The following ZDHHC15 variants were observed in gnomAD, a reference collection of about 807,000 sequenced individuals.
ZDHHC15 encodes the protein zDHHC palmitoyltransferase 15.
Under a neutral mutation model 31.7 loss-of-function variants are expected in ZDHHC15, and 19 were observed. That is an observed-to-expected ratio of 0.60 (90% CI 0.42 to 0.88). ZDHHC15 has a LOEUF of 0.88. ZDHHC15 is among the 40% of genes least tolerant of loss of function. The pLI is 0.00. For missense variants in ZDHHC15, 209 were observed against 251.2 expected, an observed-to-expected ratio of 0.83 and a Z score of 1.14; for synonymous variants, 103 against 90.0, an observed-to-expected ratio of 1.14 and a Z score of -0.82.
intron 3 of ZDHHC15, among the ~76,000 whole-genome samples, chrX:75,451,307 G>A (rs1295193871): frequency 8.9e-6 from 1 of 111,824 alleles, no homozygotes; most frequent in Non-Finnish European, 1.9e-5. Context: ...CCAGGGCCCT[G>A]TTGATAATTA....
chrX:75,428,764 AG>A (rs1420179863), intron 7 of ZDHHC15, among the ~76,000 whole-genome samples: 9 of 111,908 alleles, frequency 8.0e-5, no homozygotes, highest in African/African-American at 2.9e-4. Flanking sequence ...TATAACTGGT[AG>A]GAAGTGGAAC....
rs762257327 is a variant in ZDHHC15 at position 75,423,223 on chromosome X, T to C, written c.737-1233A>G. 1.3e-4 allele frequency among the ~76,000 whole-genome samples: 14 copies of C among 108,079 alleles called. No homozygotes were observed. The South Asian group carries it at 3.4e-3, about 26-fold the overall frequency. 93.9% of individuals were successfully genotyped at this position (108,079 alleles called of 115,157 possible). A position where few individuals can be genotyped will look rare whatever the true frequency, so the allele number is the denominator to read the frequency against. ...AAAATATTTTAACTATTATTTTAGGTTCAGGGTAAATGTGCAAGTTTGTTA... is the reference window on the plus strand; with the variant it reads ...AAAATATTTTAACTATTATTTTAGGCTCAGGGTAAATGTGCAAGTTTGTTA... On this transcript the variant is annotated intron_variant, in intron 8 of 11. Coordinates refer to ENST00000373367, the MANE Select transcript of ZDHHC15 (RefSeq NM_144969.3).
chrX:75,394,643 G>T (rs948485188), intron 10 of ZDHHC15, among the ~76,000 whole-genome samples: 1 of 111,986 alleles, frequency 8.9e-6, no homozygotes, highest in Non-Finnish European at 1.9e-5. Flanking sequence ...ATTATATAAT[G>T]ATAAAGGGGT....
At chrX:75,378,686 C>T (rs1292500535) in intron 11 of ZDHHC15, among the ~76,000 whole-genome samples, 2 of 111,547 alleles carry the variant, frequency 1.8e-5, no homozygotes, top group African/African-American at 6.5e-5. Context: ...AGGAGGGTTA[C>T]AGTGTAGGAA....
intron 11 of ZDHHC15, among the ~76,000 whole-genome samples, chrX:75,377,180 C>G (rs903264075): frequency 6.3e-5 from 7 of 110,970 alleles, no homozygotes; most frequent in African/African-American, 2.3e-4. Context: ...CCCACTCTTC[C>G]CTCCTGTGTT....
intron 8 of ZDHHC15, among the ~76,000 whole-genome samples, chrX:75,422,413 G>A (rs1431010726): frequency 8.9e-6 from 1 of 112,001 alleles, no homozygotes; most frequent in Admixed American, 9.5e-5. Flanking sequence ...CACATAAAGA[G>A]ATGGTAATGA....
chrX:75,491,227 A>G (rs1257597832), intron 2 of ZDHHC15, among the ~76,000 whole-genome samples: 3 of 110,752 alleles, frequency 2.7e-5, no homozygotes, highest in Admixed American at 9.6e-5. Flanking sequence ...GAACCAACCC[A>G]AATGTCCAAC....
Position 75,436,905 on chromosome X carries a change from G to A in ZDHHC15, c.380-5385C>T, listed in dbSNP as rs189677207. On this transcript the variant is annotated intron_variant, in intron 4 of 11. Coordinates refer to ENST00000373367, the MANE Select transcript of ZDHHC15 (RefSeq NM_144969.3). The stretch of plus-strand genomic sequence containing the variant: ...TTGTTTTGTTTTGTCTTTTTGAGAC[G>A]GAGTCTCGCTCTGTCGCCCAGGCTG... Among the ~76,000 whole-genome samples, 581 of 111,897 alleles carry A rather than the reference G, an allele frequency of 5.2e-3. 3 individuals carry two copies. The highest frequency in any genetic ancestry group is 8.5e-3 in the Admixed American group (91 of 10,657).
chrX:75,490,555 G>A (rs1347164656), intron 2 of ZDHHC15, among the ~76,000 whole-genome samples: 6 of 111,495 alleles, frequency 5.4e-5, no homozygotes, highest in African/African-American at 1.3e-4. Context: ...GATGGGGATG[G>A]CATTGAATCT....
At chrX:75,489,959 C>A (rs1225350123) in intron 2 of ZDHHC15, among the ~76,000 whole-genome samples, 2 of 111,637 alleles carry the variant, frequency 1.8e-5, no homozygotes, top group Admixed American at 1.9e-4. Flanking sequence ...GCCTCAGTAG[C>A]CGATTCGATC....
At chrX:75,466,648 G>A (rs1395424340) in intron 3 of ZDHHC15, among the ~76,000 whole-genome samples, 1 of 110,955 alleles carries the variant, frequency 9.0e-6, no homozygotes, top group Non-Finnish European at 1.9e-5. Flanking sequence ...CAACCTAAAT[G>A]TCCATCAATG....
intron 7 of ZDHHC15, among the ~76,000 whole-genome samples, chrX:75,425,690 A>G (rs2083705039): frequency 9.0e-6 from 1 of 111,670 alleles, no homozygotes; most frequent in African/African-American, 3.2e-5. Flanking sequence ...AATATTTCCA[A>G]TTGCTCTCTA....
In ZDHHC15 at chrX:75,391,709, C is replaced by T. The variant is rs2083244196; in HGVS notation, c.968-12511G>A. On this transcript the variant is annotated intron_variant, in intron 10 of 11. Transcript: ENST00000373367. ...CAGCAGAAGTGTTCTATAAGAAATG[C>T]TAAAAGGAGTTCTTTGATGTGAAAG... is the stretch of plus-strand genomic sequence containing the variant. 2.7e-5 allele frequency among the ~76,000 whole-genome samples: 3 copies of T among 111,828 alleles called. No individual in the cohort carries two copies. The Admixed American group carries it at 2.8e-4, about 11-fold the overall frequency.
intron 11 of ZDHHC15, among the ~76,000 whole-genome samples, chrX:75,373,926 G>GGTTTTTTT (rs2083027725): frequency 1.4e-4 from 7 of 50,456 alleles, no homozygotes; most frequent in Non-Finnish European, 2.0e-4. Context: ...CATTCTTTCT[G>GGTTTTTTT]TTTTTTTTTT....
intron 3 of ZDHHC15, among the ~76,000 whole-genome samples, chrX:75,452,013 T>C (rs1388999087): frequency 9.0e-6 from 1 of 110,757 alleles, no homozygotes; most frequent in Non-Finnish European, 1.9e-5. Flanking sequence ...AATGACAGGA[T>C]CAAATTCACA....
intron 4 of ZDHHC15, among the ~76,000 whole-genome samples, chrX:75,448,067 G>A (rs1041393675): frequency 4.5e-5 from 5 of 112,292 alleles, no homozygotes; most frequent in African/African-American, 6.5e-5. Flanking sequence ...TGGTATAATA[G>A]ACTTTTAGAC....
chrX:75,450,350 A>C (rs1271165374), intron 4 of ZDHHC15, among the ~76,000 whole-genome samples: 3 of 111,801 alleles, frequency 2.7e-5, no homozygotes, highest in Admixed American at 1.9e-4. Flanking sequence ...TTGGGGGTTT[A>C]GTTACACAGA....
chrX:75,437,111 T>G (rs973126429), intron 4 of ZDHHC15, among the ~76,000 whole-genome samples: 150 of 110,314 alleles, frequency 1.4e-3, no homozygotes, highest in Non-Finnish European at 1.5e-3. Context: ...TTGATCGCCT[T>G]ACCTCGTGAT....
intron 11 of ZDHHC15, among the ~76,000 whole-genome samples, chrX:75,375,673 T>A (rs1484852157): frequency 8.9e-6 from 1 of 111,915 alleles, no homozygotes; most frequent in Non-Finnish European, 1.9e-5. Flanking sequence ...TGGTTTCCTG[T>A]TTCTGTGTTA....
Sources: gnomAD v4.1 joint callset for allele counts (sites outside exome capture counted in the v4.1 genomes callset) on GRCh38, gnomAD v4.1.1 for gene constraint, MANE v1.5 for transcripts, NCBI Gene and HGNC (gene_info 2026-07-23, HGNC 2026-07-21) for gene names.